The following ANO8 variants were observed in gnomAD, a reference collection of about 807,000 sequenced individuals.
ANO8 encodes anoctamin-8.
A neutral mutation model predicts 120.4 loss-of-function variants in ANO8; 67 were observed. That is an observed-to-expected ratio of 0.56 (90% CI 0.46 to 0.68). The LOEUF (loss-of-function observed/expected upper bound fraction) is 0.68, where lower values mean the gene tolerates loss of function less well. Among genes scored for constraint, ANO8 ranks in the 30% least tolerant of loss-of-function variants. The pLI is 0.00. For synonymous variants in ANO8, 727 were observed against 759.2 expected (o/e 0.96, Z 0.70); for missense variants, 1,526 against 1,737.6 (o/e 0.88, Z 2.16).
chr19:17,327,108 C>CTA, intron 16 of ANO8, 127 bp downstream of exon 16: 1 of 867,722 alleles, frequency 1.2e-6, no homozygotes, highest in South Asian at 1.8e-5. Context: ...CCAGGGAGCA[C>CTA]TAATTATTAT....
rs1319736698 is a variant in ANO8 at position 17,327,437 on chromosome 19, C to T, written c.2550+1G>A. 1 of 1,606,724 alleles carries T rather than the reference C, an allele frequency of 6.2e-7. No individual in the cohort carries two copies. On this transcript the variant is annotated splice_donor_variant, in intron 15 of 17. Coordinates refer to ENST00000159087, the MANE Select transcript of ANO8 (RefSeq NM_020959.3). LOFTEE classifies it high-confidence loss of function. ...GCCCCCGCCCCTGTCGCCGGCCCCA[C>T]CTCGAGCACTACCACCGACACGATG...
intron 16 of ANO8, among the ~76,000 whole-genome samples, chr19:17,325,984 G>A (rs937589000): frequency 6.6e-6 from 1 of 152,206 alleles, no homozygotes; most frequent in South Asian, 2.1e-4. Context: ...GGCCCACACT[G>A]AGGTTCTCTG....
At position 17,327,914 on chromosome 19, in the gene ANO8, C is replaced by T. The variant is rs777457627; in HGVS notation, c.2227-34G>A. On this transcript the variant is annotated intron_variant, in intron 13 of 17. Coordinates refer to ENST00000159087, the MANE Select transcript of ANO8 (RefSeq NM_020959.3). ...GGGCGGGCCTCAGACCTGGAAGCCT[C>T]TTCCCTGGGACAATCTTTCTCCCAT... The T allele has an allele frequency of 4.4e-6, 7 of 1,600,380 alleles. No homozygotes were observed. In the East Asian group the frequency reaches 8.9e-5, roughly 20 times the overall value.
chr19:17,332,084 G>A (rs1415023251), intron 5 of ANO8, among the ~76,000 whole-genome samples: 1 of 150,654 alleles, frequency 6.6e-6, no homozygotes, highest in African/African-American at 2.4e-5. Context: ...ACAGGCGCGC[G>A]CCAACCACAC....
At chr19:17,332,881 C>T in intron 5 of ANO8, 49 bp downstream of exon 5, 1 of 1,603,260 alleles carries the variant, frequency 6.2e-7, no homozygotes, top group Admixed American at 1.7e-5. Context: ...CTTTGAAGAG[C>T]TCCACCCAAC....
chr19:17,333,562 G>A lies in ANO8; in HGVS notation c.218-8C>T. ...TGTGGTCATCGGTCGTGTCTGCCAA[G>A]GGGCACAGGGACCGATGGCTCCTGC... On this transcript the variant is annotated splice_polypyrimidine_tract_variant and splice_region_variant and intron_variant, in intron 2 of 17. Transcript: ENST00000159087. This position sits in a 1 kb window ranked among gnomAD's most constrained non-coding sequence, Gnocchi z 7.2. The A allele has an allele frequency of 1.9e-6, 3 of 1,612,542 alleles. No individual in the cohort carries two copies. The highest frequency in any genetic ancestry group is 2.2e-5 in the South Asian group (2 of 91,074).
rs759982269 is a variant in ANO8 at position 17,333,661 on chromosome 19, T to TGGGC, written c.217+25_217+28dup. ...GCTCAGGAGAGCCGCATCTGGGCAC[T>TGGGC]GGGCGGGCGGGCGGGCGGGCTTGGG... On this transcript the variant is annotated intron_variant, in intron 2 of 17. Coordinates refer to ENST00000159087, the MANE Select transcript of ANO8 (RefSeq NM_020959.3). This position sits in a 1 kb window ranked among gnomAD's most constrained non-coding sequence, Gnocchi z 7.2. 38 of 207,040 alleles carry TGGGC rather than the reference T, an allele frequency of 1.8e-4. No individual in the cohort carries two copies. The highest frequency in any genetic ancestry group is 8.9e-4 in the South Asian group (13 of 14,574). The allele number at this position is 207,040 out of a possible 1,614,324, so 12.8% of individuals were successfully genotyped here. A position where few individuals can be genotyped will look rare whatever the true frequency, so the allele number is the denominator to read the frequency against.
At chr19:17,330,802 G>A (rs770478243) in intron 8 of ANO8, 26 bp downstream of exon 8, 3 of 1,604,990 alleles carry the variant, frequency 1.9e-6, no homozygotes, top group Non-Finnish European at 2.6e-6. Context: ...CTGTCTCCAT[G>A]ACCCTGGACT....
rs751970380 is a variant in ANO8 at position 17,325,377 on chromosome 19, G to A, written c.2671C>T (p.Arg891Cys). 4.4e-6 allele frequency: 7 copies of A among 1,584,660 alleles called. No homozygotes were observed. The highest frequency in any genetic ancestry group is 2.2e-5 in the East Asian group (1 of 44,688). Reference sequence around the variant, plus strand: ...TGCTGGTAGCGATGCTGGGCCTGGCGCTCGTGTCTCTGCAGGTAGAGCCAA... The same window carrying A: ...TGCTGGTAGCGATGCTGGGCCTGGCACTCGTGTCTCTGCAGGTAGAGCCAA... ...QRREAFKRHE[R>C]QAQHRYQQQQ... Residue 891 changes from arginine to cysteine, a missense_variant, in exon 17 of 18, where the codon CGC becomes TGC. Arg to Cys is a radical substitution (Grantham distance 180). This residue lies in a region of ANO8 where 489 missense variants were observed against 548.6 expected (regional missense o/e 0.89). Transcript: ENST00000159087.
chr19:17,324,944 G>A lies in ANO8; in HGVS notation c.3104C>T (p.Thr1035Ile), dbSNP rs763394523. Residue 1035 changes from threonine (T) to isoleucine (I), a missense_variant, in exon 17 of 18, where the codon ACC becomes ATC. Coordinates refer to ENST00000159087, the MANE Select transcript of ANO8 (RefSeq NM_020959.3). ...GTGGCTGCGCTCAGAGTCCCGCCGG[G>A]TCTCGGGTGACTTGAGGAACTTGAA... Reference protein sequence around the residue: ...LSFKFLKSPETRRDSERSHSP... With the variant: ...LSFKFLKSPEIRRDSERSHSP... The A allele has an allele frequency of 6.8e-6, 11 of 1,613,340 alleles. No homozygotes were observed. The highest frequency in any genetic ancestry group is 9.3e-6 in the Non-Finnish European group (11 of 1,179,930).
Position 17,327,895 on chromosome 19 carries a change from G to T in ANO8, c.2227-15C>A. The T allele has an allele frequency of 2.5e-6, 4 of 1,609,418 alleles. No individual in the cohort carries two copies. Among genetic ancestry groups the T allele is most frequent in the Non-Finnish European group, 3.4e-6 (4 of 1,176,856 alleles). On this transcript the variant is annotated splice_polypyrimidine_tract_variant and intron_variant, in intron 13 of 17. Transcript: ENST00000159087. ...TGGAACGTGTCCTGCGAGTGGGCGGGCCTCAGACCTGGAAGCCTCTTCCCT... is the reference window on the plus strand; with the variant it reads ...TGGAACGTGTCCTGCGAGTGGGCGGTCCTCAGACCTGGAAGCCTCTTCCCT...
intron 1 of ANO8, 56 bp downstream of exon 1, chr19:17,334,509 G>T: frequency 1.4e-6 from 2 of 1,398,886 alleles, no homozygotes; most frequent in South Asian, 2.5e-5. Flanking sequence ...CCGTGTAGTT[G>T]ACGCGGGCTC....
In ANO8 at chr19:17,330,006, G is replaced by T. The variant is rs1324050118; in HGVS notation, c.1282C>A (p.Arg428=). Residue 428 remains arginine, a synonymous_variant, in exon 11 of 18, where the codon CGG becomes AGG. Coordinates refer to ENST00000159087, the MANE Select transcript of ANO8 (RefSeq NM_020959.3). The part of the protein sequence containing the change: ...AIWLNDMENY[R]LESAYEKHLI... ...TGCTTCTCATAGGCGCTCTCCAGCC[G>T]GTAATTTTCTAGGGGCCAAGGGGGG... 1 of 1,613,894 alleles carries T rather than the reference G, an allele frequency of 6.2e-7. No homozygotes were observed.
rs762609612 is a variant in ANO8 at position 17,331,343 on chromosome 19, G to T, written c.655C>A (p.Arg219Ser). 1.2e-6 allele frequency: 2 copies of T among 1,614,084 alleles called. No homozygotes were observed. Among genetic ancestry groups the T allele is most frequent in the Non-Finnish European group, 1.7e-6 (2 of 1,180,026 alleles). The change falls in exon 6 of 18, where the codon CGC (arginine) becomes AGC (serine). Residue 219 changes from arginine to serine, a missense_variant. Transcript: ENST00000159087. ...GCCTGCACCCATGACTTCATGAGGC[G>T]GTTCAGAATACGCTGCTCGTGGACA... is the stretch of plus-strand genomic sequence containing the variant. ...FPVHEQRILN[R>S]LMKSWVQAVC... is the part of the protein sequence containing the mutation.
rs749119999 is a variant in ANO8, at chr19:17,324,837, C to T, written c.3211G>A (p.Gly1071Arg). Residue 1071 changes from glycine to arginine, a missense_variant, in exon 17 of 18, where the codon GGG (glycine) becomes AGG (arginine). Transcript: ENST00000159087. ...GGGGTCCCATCTGGCCGGGCCTGCC[C>T]GCCCGCCCCGTTGGACCCAGGCTCA... ...RAEPGSNGAG[G>R]QARPDGTPSS... 12 of 1,611,422 alleles carry T rather than the reference C, an allele frequency of 7.4e-6. No individual in the cohort carries two copies. The highest frequency in any genetic ancestry group is 4.5e-5 in the East Asian group (2 of 44,862).
At position 17,328,897 on chromosome 19, in the gene ANO8, G is replaced by A; in HGVS notation, c.1491C>T (p.Arg497=). ...LQPHLYRRLG[R]GELGLRAVWE... ...AGACGGCCCGCAGGCCCAGCTCGCC[G>A]CGGCCCAGGCGCCGGTACAGGTGCG... is the stretch of plus-strand genomic sequence containing the variant. Residue 497 remains arginine, a synonymous_variant, in exon 13 of 18, where the codon CGC becomes CGT. Transcript: ENST00000159087. 3 of 1,503,258 alleles carry A rather than the reference G, an allele frequency of 2.0e-6. No homozygotes were observed. The highest frequency in any genetic ancestry group is 1.2e-5 in the South Asian group (1 of 80,470). 93.1% of individuals were successfully genotyped at this position (1,503,258 alleles called of 1,614,324 possible).
chr19:17,329,059 T>A, intron 12 of ANO8, 76 bp from the exon 13 acceptor site: 2 of 1,207,688 alleles, frequency 1.7e-6, no homozygotes, highest in Non-Finnish European at 2.2e-6. Flanking sequence ...TCACCCTCCC[T>A]GGGCGCCCCG....
chr19:17,328,732 C>A lies in ANO8; in HGVS notation c.1656G>T (p.Ala552=). ...GCGCCGCCTCCTCCTCCTCCTCCGG[C>A]GCCCCGCAGCCCCCGCTGAGGCACC... The part of the protein sequence containing the change: ...GRRCLSGGCG[A]PEEEEEAALV... The change falls in exon 13 of 18, where the codon GCG becomes GCT. Residue 552 remains alanine (A), a synonymous_variant. Coordinates refer to ENST00000159087, the MANE Select transcript of ANO8 (RefSeq NM_020959.3). 2 of 1,363,978 alleles carry A rather than the reference C, an allele frequency of 1.5e-6. No individual in the cohort carries two copies. The highest frequency in any genetic ancestry group is 1.9e-6 in the Non-Finnish European group (2 of 1,058,776). 84.5% of individuals were successfully genotyped at this position (1,363,978 alleles called of 1,614,324 possible).
rs756816379 is a variant in ANO8, at chr19:17,330,803, AC to A, written c.993+24del. On this transcript the variant is annotated intron_variant, in intron 8 of 17. Transcript: ENST00000159087. ...CATTTACCTTTGTCCTGTCTCCATG[AC>A]CCTGGACTCAGCCCCCAACTGACCC... is the stretch of plus-strand genomic sequence containing the variant. 1.3e-4 allele frequency: 201 copies of A among 1,607,876 alleles called. 4 individuals are homozygous for A. The Admixed American group carries it at 3.3e-3, about 27-fold the overall frequency.
Sources: allele counts gnomAD v4.1 joint callset (sites outside exome capture counted in the v4.1 genomes callset), GRCh38; gene constraint gnomAD v4.1.1; regional missense constraint gnomAD v4.1.1; non-coding constraint Gnocchi (gnomAD v3.1); transcripts MANE v1.5; gene names NCBI Gene and HGNC (gene_info 2026-07-23, HGNC 2026-07-21).